The following ZNF273 variants were observed in gnomAD, a reference collection of about 807,000 sequenced individuals.
The protein encoded by ZNF273 is zinc finger protein 273.
Under a neutral mutation model 14.9 loss-of-function variants are expected in ZNF273, and 11 were observed. The observed-to-expected ratio is 0.74, with a 90% CI of 0.46 to 1.22. ZNF273 has a LOEUF of 1.22. ZNF273 is among the 50% of genes most tolerant of loss of function. The probability of loss-of-function intolerance (pLI) is 0.00; values close to 1 mark genes in which losing one functional copy is unlikely to be tolerated. For missense variants in ZNF273, 577 were observed against 660.6 expected, an observed-to-expected ratio of 0.87 and a Z score of 1.39; for synonymous variants, 199 against 223.9, an observed-to-expected ratio of 0.89 and a Z score of 0.99.
intron 1 of ZNF273, among the ~76,000 whole-genome samples, chr7:64,907,398 G>C (rs11772109): frequency 0.37 from 56,683 of 151,940 alleles, 11,048 homozygotes; most frequent in South Asian, 0.44. Context: ...TCTTCCATTT[G>C]AGTTTTCCTG....
chr7:64,878,707 T>TTCCTTTGG (rs2129026713), intron 2 of ZNF273, among the ~76,000 whole-genome samples: 1 of 152,366 alleles, frequency 6.6e-6, no homozygotes, highest in Non-Finnish European at 1.5e-5. Flanking sequence ...TGGCCGGCTC[T>TTCCTTTGG]TCCTTTGGAC....
In ZNF273 at chr7:64,927,688, A is replaced by G. The variant is rs754247300; in HGVS notation, c.360A>G (p.Pro120=). The G allele has an allele frequency of 2.5e-6, 4 of 1,590,866 alleles. No individual in the cohort carries two copies. In the Admixed American group the frequency reaches 7.3e-5, roughly 29 times the overall value. The part of the protein sequence containing the change: ...VCSHFAQDLW[P]KQGLKDSFQK... ...CTCATTTTGCCCAAGACCTTTGGCC[A>G]AAGCAGGGCTTAAAAGATTCTTTTC... Residue 120 remains proline, a synonymous_variant, in exon 4 of 4, where the codon CCA becomes CCG. Coordinates refer to ENST00000476120, the MANE Select transcript of ZNF273 (RefSeq NM_021148.3).
chr7:64,911,423 C>G (rs989348245), intron 1 of ZNF273, among the ~76,000 whole-genome samples: 9 of 151,988 alleles, frequency 5.9e-5, no homozygotes, highest in Non-Finnish European at 1.3e-4. Context: ...GCCACCATGC[C>G]TGGCTAATTT....
rs1160926264 is a variant in ZNF273, at chr7:64,918,257, A to T, written c.290A>T (p.Asn97Ile). The change falls in exon 3 of 4, where the codon AAT (asparagine) becomes ATT (isoleucine). Residue 97 changes from asparagine to isoleucine, a missense_variant. Transcript: ENST00000476120. The stretch of plus-strand genomic sequence containing the variant: ...CTGGAGCAAGGAAAAGAGCCCTGCA[A>T]TATGAAGAGACATGCGATGGTAGCC... The part of the protein sequence containing the change: ...TCLEQGKEPC[N>I]MKRHAMVAKP... 25 of 1,570,092 alleles carry T rather than the reference A, an allele frequency of 1.6e-5. No homozygotes were observed. Among genetic ancestry groups the T allele is most frequent in the Non-Finnish European group, 2.2e-5 (25 of 1,154,368 alleles).
Position 64,929,599 on chromosome 7 carries a change from T to A in ZNF273, c.*561T>A, listed in dbSNP as rs187290289. ...GAAATGATCCAAAGTTAGGTTTATA[T>A]AAATATCAGAGAATTCACAATACAG... On this transcript the variant is annotated 3_prime_UTR_variant, in exon 4 of 4. Coordinates refer to ENST00000476120, the MANE Select transcript of ZNF273 (RefSeq NM_021148.3). 6 of 152,396 alleles carry A rather than the reference T, an allele frequency of 3.9e-5. No individual in the cohort carries two copies. In the East Asian group the frequency reaches 5.8e-4, roughly 15 times the overall value. The allele number at this position is 152,396 out of a possible 1,614,324, so 9.4% of individuals were successfully genotyped here.
rs771276965 is a variant in ZNF273 at position 64,927,769 on chromosome 7, A to T, written c.441A>T (p.Arg147Ser). 2 of 1,613,572 alleles carry T rather than the reference A, an allele frequency of 1.2e-6. No homozygotes were observed. Among genetic ancestry groups the T allele is most frequent in the Non-Finnish European group, 1.7e-6 (2 of 1,179,890 alleles). Residue 147 changes from arginine (R) to serine (S), a missense_variant, in exon 4 of 4, where the codon AGA becomes AGT. By Grantham distance (110) the Arg-to-Ser change is moderately radical (BLOSUM62 -1). Coordinates refer to ENST00000476120, the MANE Select transcript of ZNF273 (RefSeq NM_021148.3). ...GKYGHENLQL[R>S]KGCKSADEHK... is the part of the protein sequence containing the mutation. ...ATGGACATGAGAATTTACAATTAAG[A>T]AAAGGCTGTAAAAGTGCGGATGAGC...
At chr7:64,910,033 T>G (rs1232622828) in intron 1 of ZNF273, among the ~76,000 whole-genome samples, 1 of 152,110 alleles carries the variant, frequency 6.6e-6, no homozygotes, top group Admixed American at 6.6e-5. Context: ...TTTTTTTTTC[T>G]GGCAAACTTG....
intron 3 of ZNF273, chr7:64,923,597 C>T (rs1794625593): frequency 3.4e-6 from 1 of 294,402 alleles, no homozygotes; most frequent in African/African-American, 2.3e-5. Context: ...CCTCCTCAGC[C>T]TCCCAAAGTG....
At chr7:64,916,542 CAA>C (rs10712527) in intron 1 of ZNF273, among the ~76,000 whole-genome samples, 19,442 of 84,310 alleles carry the variant, frequency 0.23, 1,163 homozygotes, top group Non-Finnish European at 0.3. Context: ...AAAACTGTCT[CAA>C]AAAAAAAAAA....
intron 3 of ZNF273, chr7:64,923,444 T>G (rs1039911233): frequency 2.2e-5 from 10 of 447,972 alleles, no homozygotes; most frequent in African/African-American, 2.0e-4. Flanking sequence ...GGGATTCAAG[T>G]GATTCTACTG....
At chr7:64,918,073 C>G (rs1794138447) in intron 2 of ZNF273, 124 bp from the exon 3 acceptor site, 2 of 828,760 alleles carry the variant, frequency 2.4e-6, no homozygotes, top group Non-Finnish European at 3.4e-6. Context: ...ATTTACATTA[C>G]TAATTAGATA....
At chr7:64,920,750 A>G (rs945615448) in intron 3 of ZNF273, among the ~76,000 whole-genome samples, 1 of 152,112 alleles carries the variant, frequency 6.6e-6, no homozygotes, top group East Asian at 1.9e-4. Context: ...CTGGATCTCA[A>G]AGATTCTTTA....
At chr7:64,924,906 G>A (rs554136043) in intron 3 of ZNF273, among the ~76,000 whole-genome samples, 3 of 151,722 alleles carry the variant, frequency 2.0e-5, no homozygotes, top group South Asian at 2.1e-4. Flanking sequence ...AGGTTCAAGC[G>A]CTTCTCCTGT....
downstream of ZNF273, among the ~76,000 whole-genome samples, chr7:64,931,173 A>G (rs74375870): frequency 2.8e-4 from 42 of 152,262 alleles, 1 homozygote; most frequent in East Asian, 6.6e-3. Flanking sequence ...TTTCAAAAGA[A>G]AACAGCAATA....
intron 1 of ZNF273, among the ~76,000 whole-genome samples, chr7:64,887,797 CTT>C (rs779641845): frequency 1.4e-5 from 2 of 143,574 alleles, no homozygotes; most frequent in Non-Finnish European, 1.5e-5. Flanking sequence ...CGTGCCCTGT[CTT>C]TTTTTTTTTT....
intron 1 of ZNF273, among the ~76,000 whole-genome samples, chr7:64,912,825 A>ATTTTTTTTTTTTTTT (rs1562959126): frequency 5.9e-5 from 1 of 16,844 alleles, no homozygotes. Flanking sequence ...GATTCATTTT[A>ATTTTTTTTTTTTTTT]GTTTTTTTTT....
chr7:64,912,826 G>GTTTTGTTTTTTGTTTTTTTTTT (rs746174998), intron 1 of ZNF273, among the ~76,000 whole-genome samples: 4 of 36,568 alleles, frequency 1.1e-4, no homozygotes, highest in Non-Finnish European at 2.3e-4. Context: ...ATTCATTTTA[G>GTTTTGTTTTTTGTTTTTTTTTT]TTTTTTTTTT....
downstream of ZNF273, chr7:64,889,275 G>A (rs1377494015): frequency 1.1e-5 from 11 of 979,932 alleles, no homozygotes; most frequent in Non-Finnish European, 1.3e-5. The surrounding 1 kb of genome is among the most constrained non-coding windows in gnomAD (Gnocchi z 4.2). Context: ...GGGAGGTCGG[G>A]CTCCCGGCAG....
chr7:64,886,845 C>A (rs1417499359), intron 1 of ZNF273, among the ~76,000 whole-genome samples: 1 of 152,166 alleles, frequency 6.6e-6, no homozygotes, highest in Non-Finnish European at 1.5e-5. Flanking sequence ...AAGAAGGAAA[C>A]CACAGAAGAG....
Sources: allele counts gnomAD v4.1 joint callset (sites outside exome capture counted in the v4.1 genomes callset), GRCh38; gene constraint gnomAD v4.1.1; non-coding constraint Gnocchi (gnomAD v3.1); transcripts MANE v1.5; gene names NCBI Gene and HGNC (gene_info 2026-07-23, HGNC 2026-07-21).